The following ERAP1 variants were observed in gnomAD, a reference collection of about 807,000 sequenced individuals.
ERAP1 encodes the protein adipocyte-derived leucine aminopeptidase.
A neutral mutation model predicts 103.7 loss-of-function variants in ERAP1; 86 were observed. The observed-to-expected ratio is 0.83, with a 90% CI of 0.70 to 0.99. The LOEUF is 0.99. Among genes scored for constraint, ERAP1 ranks in the 50% least tolerant of loss-of-function variants. The probability of loss-of-function intolerance (pLI) is 0.00; values close to 1 mark genes in which losing one functional copy is unlikely to be tolerated. For missense variants in ERAP1, 1,009 were observed against 1,128.4 expected (o/e 0.89, Z 1.52); for synonymous variants, 398 against 402.4 (o/e 0.99, Z 0.13).
At chr5:96,841,910 C>A in the ERAP1 span, among the ~76,000 whole-genome samples, 1 of 151,960 alleles carries the variant, frequency 6.6e-6, no homozygotes, top group East Asian at 1.9e-4. Flanking sequence ...ACAGTGTACC[C>A]AGTGTGTAGT....
At chr5:96,935,216 C>T in the ERAP1 span, 3 of 152,272 alleles carry the variant, frequency 2.0e-5, no homozygotes, top group Non-Finnish European at 4.4e-5. Flanking sequence ...CTTCTGCCCA[C>T]ATCCTGCGGC....
At chr5:96,844,717 TG>T in the ERAP1 span, among the ~76,000 whole-genome samples, 1 of 152,178 alleles carries the variant, frequency 6.6e-6, no homozygotes, top group African/African-American at 2.4e-5. Flanking sequence ...TGAAAGCAAG[TG>T]GAAGAAAAGA....
chr5:96,920,193 T>C, the ERAP1 span, among the ~76,000 whole-genome samples: 1 of 151,604 alleles, frequency 6.6e-6, no homozygotes, highest in Non-Finnish European at 1.5e-5. Context: ...GTATCCCAGG[T>C]ACACGGGAGG....
intron 10 of ERAP1, among the ~76,000 whole-genome samples, chr5:96,789,466 A>G (rs1481972766): frequency 6.6e-6 from 1 of 150,802 alleles, no homozygotes; most frequent in Non-Finnish European, 1.5e-5. Context: ...CAGCCTGGGC[A>G]ACAGAGTGAG....
upstream of ERAP1, among the ~76,000 whole-genome samples, chr5:96,808,452 G>A (rs531106541): frequency 2.0e-4 from 31 of 152,012 alleles, no homozygotes; most frequent in South Asian, 1.7e-3. Context: ...CACTGCCAGT[G>A]GGCTGAGAGC....
At position 96,767,490 on chromosome 5, in the gene ERAP1, C is replaced by G. The variant is rs774055874; in HGVS notation, c.2819-4262G>C. On this transcript the variant is annotated intron_variant, in intron 19 of 19. Coordinates refer to the ERAP1 transcript ENST00000296754. ...AAATCAGAGGATTCAAAGGTAAAGA[C>G]CATAGGAACATATTTCCATTAAATT... The G allele has an allele frequency of 4.3e-6, 7 of 1,609,302 alleles. No individual in the cohort carries two copies. In the Admixed American group the frequency reaches 1.2e-4, roughly 27 times the overall value.
At chr5:96,865,789 G>A in the ERAP1 span, among the ~76,000 whole-genome samples, 1 of 152,072 alleles carries the variant, frequency 6.6e-6, no homozygotes, top group Non-Finnish European at 1.5e-5. Context: ...TACTCAATAA[G>A]GGTTTTGGAA....
At chr5:96,909,156 C>T in the ERAP1 span, 2 of 1,578,074 alleles carry the variant, frequency 1.3e-6, no homozygotes, top group Non-Finnish European at 1.7e-6. Context: ...AGTAAATACA[C>T]AGTGTCTGGA....
At chr5:96,850,121 T>G in the ERAP1 span, among the ~76,000 whole-genome samples, 1 of 152,188 alleles carries the variant, frequency 6.6e-6, no homozygotes, top group Non-Finnish European at 1.5e-5. Flanking sequence ...TGCTTAAATG[T>G]AAGACCTGAT....
chr5:96,858,626 C>T, the ERAP1 span, among the ~76,000 whole-genome samples: 1 of 152,072 alleles, frequency 6.6e-6, no homozygotes, highest in Admixed American at 6.6e-5. Flanking sequence ...TTCTCTGAGC[C>T]CTAAATTTGG....
chr5:96,806,360 C>G (rs1221488455), intron 1 of ERAP1, among the ~76,000 whole-genome samples: 1 of 152,156 alleles, frequency 6.6e-6, no homozygotes, highest in East Asian at 1.9e-4. Context: ...AAGTACAATT[C>G]TCTTTGAAGT....
At chr5:96,931,572 G>A in the ERAP1 span, among the ~76,000 whole-genome samples, 1 of 152,200 alleles carries the variant, frequency 6.6e-6, no homozygotes, top group African/African-American at 2.4e-5. Context: ...TAGTAGGGGT[G>A]AGGTGAAGCT....
At chr5:96,774,385 G>T, downstream of ERAP1, 1 of 357,536 alleles carries the variant, frequency 2.8e-6, no homozygotes, top group Non-Finnish European at 3.9e-6. Context: ...TCGAGACTTG[G>T]GTGTTTGTTA....
chr5:96,880,229 A>G, the ERAP1 span: 33 of 1,613,570 alleles, frequency 2.0e-5, no homozygotes, highest in Non-Finnish European at 2.7e-5. Context: ...GTTTTATAAA[A>G]GCACATACAG....
At position 96,788,195 on chromosome 5, in the gene ERAP1, C is replaced by T. The variant is rs527348779; in HGVS notation, c.1679+336G>A. On this transcript the variant is annotated intron_variant, in intron 11 of 18. Coordinates refer to ENST00000443439, the MANE Select transcript of ERAP1 (RefSeq NM_001040458.3). ...TAAATTCTTTTGTCCTCAGCTCCAA[C>T]CAAATGCTAGGCACTATTGTAATCT... is the stretch of plus-strand genomic sequence containing the variant. Among the ~76,000 whole-genome samples the T allele has an allele frequency of 9.5e-4, 144 of 152,170 alleles. 2 individuals carry two copies. The highest frequency in any genetic ancestry group is 1.4e-3 in the Non-Finnish European group (98 of 68,008).
At chr5:96,831,602 C>T in the ERAP1 span, among the ~76,000 whole-genome samples, 1 of 152,200 alleles carries the variant, frequency 6.6e-6, no homozygotes, top group African/African-American at 2.4e-5. Flanking sequence ...TATCAATACT[C>T]CTGGGATACA....
the ERAP1 span, chr5:96,919,676 GATAA>G: frequency 6.6e-6 from 1 of 152,064 alleles, no homozygotes; most frequent in African/African-American, 2.4e-5. Context: ...ATACTGTTTT[GATAA>G]ATAAATAGAT....
the ERAP1 span, chr5:96,934,234 C>G: frequency 6.6e-6 from 1 of 152,152 alleles, no homozygotes; most frequent in Non-Finnish European, 1.5e-5. Context: ...TTGTTTCAGA[C>G]AGTGATGAGT....
At chr5:96,784,267 G>A (rs1161510610) in intron 13 of ERAP1, among the ~76,000 whole-genome samples, 187 bp from the exon 14 acceptor site, 1 of 152,192 alleles carries the variant, frequency 6.6e-6, no homozygotes, top group African/African-American at 2.4e-5. Flanking sequence ...GGCCAAGGCA[G>A]GTGGATCACC....
Sources: gnomAD v4.1 joint callset for allele counts (sites outside exome capture counted in the v4.1 genomes callset) on GRCh38, gnomAD v4.1.1 for gene constraint, MANE v1.5 for transcripts, NCBI Gene and HGNC (gene_info 2026-07-23, HGNC 2026-07-21) for gene names.